C4orf51: variants seen among roughly 807,000 people sequenced by gnomAD.
C4orf51 encodes uncharacterized protein C4orf51.
A neutral mutation model predicts 25.2 loss-of-function variants in C4orf51; 25 were observed. The ratio of observed to expected loss-of-function variants is 0.99; its 90% CI spans 0.72 to 1.39. The LOEUF (loss-of-function observed/expected upper bound fraction) is 1.39. Ranked by LOEUF, C4orf51 falls within the 40% of genes most tolerant of loss-of-function variation. The pLI, the probability that C4orf51 is intolerant of heterozygous loss-of-function variation, is 0.00. For missense variants in C4orf51, 252 were observed against 239.6 expected (o/e 1.05, Z -0.34); for synonymous variants, 100 against 84.5 (o/e 1.18, Z -1.01).
chr4:145,790,731 C>T, the C4orf51 span, among the ~76,000 whole-genome samples: 107 of 152,338 alleles, frequency 7.0e-4, 2 homozygotes, highest in African/African-American at 2.5e-3. Context: ...CCCTTATCAG[C>T]TCCCAGACAC....
chr4:145,703,211 G>T (rs943340172), intron 2 of C4orf51, among the ~76,000 whole-genome samples: 3 of 151,330 alleles, frequency 2.0e-5, no homozygotes, highest in Non-Finnish European at 4.4e-5. Flanking sequence ...AGTGTAAATG[G>T]CCGGTCCTTG....
At chr4:145,721,874 G>A (rs185108466) in intron 2 of C4orf51, among the ~76,000 whole-genome samples, 90 of 152,316 alleles carry the variant, frequency 5.9e-4, no homozygotes, top group African/African-American at 2.1e-3. Flanking sequence ...AGATGGGCGG[G>A]AGTTACGTGG....
chr4:145,784,851 CTCT>C, the C4orf51 span, among the ~76,000 whole-genome samples: 44 of 152,196 alleles, frequency 2.9e-4, no homozygotes, highest in Non-Finnish European at 5.4e-4. Context: ...TAATGGTAAC[CTCT>C]TTTTTTGTAC....
rs1560888672 is a variant in C4orf51, at chr4:145,765,516, T to C, written n.167-5472T>C. ...AATGGGTCATCCTGGGTGCGGAGGG[T>C]TGAGCAGGCTCACACCCACCTCCTC... On this transcript the variant is annotated intron_variant and non_coding_transcript_variant, in intron 1 of 1. Transcript: ENST00000510096. This position sits in a 1 kb window ranked among gnomAD's most constrained non-coding sequence, Gnocchi z 4.7. The C allele has an allele frequency of 6.3e-7, 1 of 1,584,722 alleles. No homozygotes were observed. Among genetic ancestry groups the C allele is most frequent in the Admixed American group, 1.8e-5 (1 of 57,116 alleles).
At chr4:145,718,820 C>T (rs993217793) in intron 2 of C4orf51, among the ~76,000 whole-genome samples, 6 of 152,198 alleles carry the variant, frequency 3.9e-5, no homozygotes, top group Non-Finnish European at 8.8e-5. Context: ...AGCTATTTCC[C>T]ACCTCAGGAC....
chr4:145,691,635 C>T (rs1472177452), intron 1 of C4orf51, among the ~76,000 whole-genome samples: 2 of 152,168 alleles, frequency 1.3e-5, no homozygotes, highest in Non-Finnish European at 2.9e-5. Flanking sequence ...AAATAATGTC[C>T]TTTGTAGCAA....
In C4orf51 at chr4:145,687,152, T is replaced by C. The variant is rs148161954; in HGVS notation, c.233+6716T>C. On this transcript the variant is annotated intron_variant, in intron 1 of 5. Coordinates refer to ENST00000438731, the MANE Select transcript of C4orf51 (RefSeq NM_001080531.3). Reference sequence around the variant, plus strand: ...AAAGTCACACCTCTGCTCAATGAGATAGATGCATATCTGATTGCCTCCTTT... The same window carrying C: ...AAAGTCACACCTCTGCTCAATGAGACAGATGCATATCTGATTGCCTCCTTT... 3.6e-3 allele frequency among the ~76,000 whole-genome samples: 547 copies of C among 152,306 alleles called. 3 individuals carry two copies. Among genetic ancestry groups the C allele is most frequent in the African/African-American group, 0.012 (509 of 41,570 alleles).
At chr4:145,690,961 G>T (rs1729523701) in intron 1 of C4orf51, among the ~76,000 whole-genome samples, 1 of 151,964 alleles carries the variant, frequency 6.6e-6, no homozygotes, top group South Asian at 2.1e-4. Context: ...CACAAAAAAA[G>T]AATTAGCCAG....
At chr4:145,732,834 A>C, downstream of C4orf51, 1 of 243,046 alleles carries the variant, frequency 4.1e-6, no homozygotes, top group East Asian at 8.7e-5. Context: ...AACCACAGAA[A>C]TGGTGCTGCG....
intron 1 of C4orf51, among the ~76,000 whole-genome samples, chr4:145,752,483 A>G (rs895944555): frequency 6.6e-6 from 1 of 152,186 alleles, no homozygotes; most frequent in African/African-American, 2.4e-5. Context: ...GACTCTGCCC[A>G]GTGCCCTGTG....
chr4:145,727,922 T>TAA lies in C4orf51; in HGVS notation c.366+956_366+957dup, dbSNP rs1174244412. 1.1e-3 allele frequency among the ~76,000 whole-genome samples: 106 copies of TAA among 96,928 alleles called. 1 individual carries two copies. The highest frequency in any genetic ancestry group is 3.0e-3 in the Admixed American group (24 of 7,910). 63.6% of individuals were successfully genotyped at this position (96,928 alleles called of 152,430 possible). A position where few individuals can be genotyped will look rare whatever the true frequency, so the allele number is the denominator to read the frequency against. On this transcript the variant is annotated intron_variant, in intron 3 of 5. Transcript: ENST00000438731. ...ATATATATATATATATATATATATATAAAATATATTATATATATACATTAT... is the reference window on the plus strand; with the variant it reads ...ATATATATATATATATATATATATATAAAAAATATATTATATATATACATTAT...
chr4:145,746,029 T>A (rs1733351953), intron 1 of C4orf51, among the ~76,000 whole-genome samples: 1 of 152,196 alleles, frequency 6.6e-6, no homozygotes, highest in African/African-American at 2.4e-5. Context: ...TTGAGAAATA[T>A]GTATTCAAAT....
chr4:145,774,904 G>A (rs1485323441), downstream of C4orf51, among the ~76,000 whole-genome samples: 1 of 152,202 alleles, frequency 6.6e-6, no homozygotes, highest in Non-Finnish European at 1.5e-5. Flanking sequence ...TCACATATGT[G>A]TTATAATGAT....
chr4:145,755,689 T>C (rs952740212), downstream of C4orf51, among the ~76,000 whole-genome samples: 1 of 152,222 alleles, frequency 6.6e-6, no homozygotes, highest in East Asian at 1.9e-4. Flanking sequence ...GTCACCCCAC[T>C]TCACTTACCC....
chr4:145,698,547 G>A (rs1169248725), intron 2 of C4orf51, among the ~76,000 whole-genome samples: 3 of 152,164 alleles, frequency 2.0e-5, no homozygotes, highest in Non-Finnish European at 2.9e-5. Flanking sequence ...TGGAGACCAA[G>A]GTTTTATGAT....
At chr4:145,700,440 A>C (rs1578950575) in intron 2 of C4orf51, among the ~76,000 whole-genome samples, 1 of 152,110 alleles carries the variant, frequency 6.6e-6, no homozygotes, top group South Asian at 2.1e-4. Flanking sequence ...TTAAGAACTT[A>C]AAACCTCTTC....
chr4:145,729,550 C>T (rs1171767855), intron 4 of C4orf51, among the ~76,000 whole-genome samples: 1 of 152,130 alleles, frequency 6.6e-6, no homozygotes, highest in Non-Finnish European at 1.5e-5. Context: ...ATCCTCCCTC[C>T]TTGGCCTCCC....
chr4:145,694,089 T>C (rs1729845324), intron 1 of C4orf51, among the ~76,000 whole-genome samples: 1 of 139,926 alleles, frequency 7.1e-6, no homozygotes, highest in Admixed American at 7.1e-5. Context: ...GCAGAGGCGC[T>C]CCTCACATCC....
chr4:145,680,463 G>C, intron 1 of C4orf51, 27 bp downstream of exon 1: 1 of 1,528,208 alleles, frequency 6.5e-7, no homozygotes, highest in South Asian at 1.1e-5. Flanking sequence ...ATTTGCACCT[G>C]GATATATCAC....
Sources: gnomAD v4.1 joint callset for allele counts (sites outside exome capture counted in the v4.1 genomes callset) on GRCh38, gnomAD v4.1.1 for gene constraint, Gnocchi (gnomAD v3.1) non-coding constraint, MANE v1.5 for transcripts, NCBI Gene and HGNC (gene_info 2026-07-23, HGNC 2026-07-21) for gene names.